Variants in ASMTL observed in about 807,000 individuals in gnomAD.
The protein encoded by ASMTL is acetylserotonin O-methyltransferase like.
A neutral mutation model predicts 60.3 loss-of-function variants in ASMTL; 57 were observed. That is an observed-to-expected ratio of 0.95 (90% CI 0.76 to 1.18). ASMTL has a LOEUF of 1.18. Among genes scored for constraint, ASMTL ranks in the 50% most tolerant of loss-of-function variants. The pLI, the probability that ASMTL is intolerant of heterozygous loss-of-function variation, is 0.00. For missense variants in ASMTL, 981 were observed against 852.6 expected (o/e 1.15, Z -1.88); for synonymous variants, 419 against 373.0 (o/e 1.12, Z -1.42).
At chrX:1,420,832 C>T (rs1415923664) in intron 9 of ASMTL, among the ~76,000 whole-genome samples, 1 of 152,214 alleles carries the variant, frequency 6.6e-6, no homozygotes, top group African/African-American at 2.4e-5. Flanking sequence ...CTTGTTCTGT[C>T]ACCCGGGCTG....
In ASMTL at chrX:1,418,115, G is replaced by A. The variant is rs755621188; in HGVS notation, c.1380C>T (p.Gly460=). The A allele has an allele frequency of 1.3e-6, 2 of 1,597,876 alleles. No homozygotes were observed. The highest frequency in any genetic ancestry group is 2.2e-5 in the South Asian group (2 of 89,312). The part of the protein sequence containing the change: ...SRFSSACDVG[G]CTGALARELA... ...GCTCTCGGGCCAGTGCACCCGTGCA[G>A]CCTGCGGGGAAGCAAATGCATGCTC... Residue 460 remains glycine (G), a splice_region_variant and synonymous_variant, in exon 11 of 13, where the codon GGC becomes GGT. Transcript: ENST00000381317.
At chrX:1,436,128 G>A (rs1405173762) in intron 3 of ASMTL, among the ~76,000 whole-genome samples, 1 of 152,124 alleles carries the variant, frequency 6.6e-6, no homozygotes, top group African/African-American at 2.4e-5. Flanking sequence ...GTCACTGACC[G>A]TGATGTCCTC....
At position 1,427,818 on chromosome X, in the gene ASMTL, C is replaced by T. The variant is rs1421471828; in HGVS notation, c.813G>A (p.Glu271=). Residue 271 remains glutamate (E), a synonymous_variant, in exon 7 of 13, where the codon GAG becomes GAA. Transcript: ENST00000381317. ...TCTCCCGAGTCCTGTGACACTCAGCCTCTGCCGTGGCCTGTCCCGCCTCTC... is the reference window on the plus strand; with the variant it reads ...TCTCCCGAGTCCTGTGACACTCAGCTTCTGCCGTGGCCTGTCCCGCCTCTC... ...EAGEAGQATA[E]AECHRTRETL... is the part of the protein sequence containing the mutation. 1.2e-6 allele frequency: 2 copies of T among 1,612,624 alleles called. No individual in the cohort carries two copies. The highest frequency in any genetic ancestry group is 1.7e-6 in the Non-Finnish European group (2 of 1,179,850).
intron 6 of ASMTL, 68 bp downstream of exon 6, chrX:1,432,201 A>G (rs2090810967): frequency 1.5e-6 from 2 of 1,303,722 alleles, no homozygotes. Context: ...TGGGTGGGAC[A>G]CCCCACGTGT....
At chrX:1,419,214 C>T (rs1458381627) in intron 9 of ASMTL, 100 bp from the exon 10 acceptor site, 124 of 1,400,698 alleles carry the variant, frequency 8.9e-5, no homozygotes, top group East Asian at 7.3e-5. Context: ...GGCTCCAGAG[C>T]GTGGGGGCTC....
chrX:1,437,956 ATT>A (rs767849584), intron 3 of ASMTL, among the ~76,000 whole-genome samples: 38 of 150,684 alleles, frequency 2.5e-4, no homozygotes, highest in Non-Finnish European at 4.3e-4. Flanking sequence ...GTTGGACAGA[ATT>A]AGGATGCGCA....
intron 11 of ASMTL, 103 bp from the exon 12 acceptor site, chrX:1,412,957 GAA>G: frequency 2.3e-6 from 3 of 1,317,860 alleles, no homozygotes; most frequent in South Asian, 2.4e-5. Context: ...CAGGGACAGA[GAA>G]GAGAGGGGTG....
At chrX:1,435,196 C>T (rs1386624676) in intron 4 of ASMTL, 113 bp from the exon 5 acceptor site, 4 of 1,100,556 alleles carry the variant, frequency 3.6e-6, no homozygotes, top group Non-Finnish European at 5.5e-6. Flanking sequence ...TGGATCCGTC[C>T]CCAGCATCTT....
chrX:1,449,581 C>G (rs1306395342), intron 1 of ASMTL, among the ~76,000 whole-genome samples: 5 of 151,866 alleles, frequency 3.3e-5, no homozygotes, highest in African/African-American at 1.2e-4. Flanking sequence ...CCATAGGCAA[C>G]CAGTAACTAC....
intron 9 of ASMTL, among the ~76,000 whole-genome samples, chrX:1,420,139 G>C (rs1278821891): frequency 6.7e-6 from 1 of 149,938 alleles, no homozygotes; most frequent in African/African-American, 2.5e-5. Context: ...GTGTCTGTCT[G>C]TCTCCATCTT....
intron 12 of ASMTL, among the ~76,000 whole-genome samples, chrX:1,404,412 GATGGATGCAGGC>G (rs2089722573): frequency 1.3e-5 from 2 of 151,622 alleles, no homozygotes; most frequent in Admixed American, 1.3e-4. Context: ...TGGATGGATG[GATGGATGCAGGC>G]ATGGATGAGA....
chrX:1,419,270 G>T, intron 9 of ASMTL, 156 bp from the exon 10 acceptor site: 1 of 337,008 alleles, frequency 3.0e-6, no homozygotes, highest in East Asian at 1.7e-4. Flanking sequence ...CAGCTGTGTG[G>T]GCTACTCTTG....
chrX:1,411,335 C>A (rs28538029), intron 12 of ASMTL, among the ~76,000 whole-genome samples: 2 of 151,988 alleles, frequency 1.3e-5, no homozygotes, highest in South Asian at 2.1e-4. Flanking sequence ...AGATAATTAA[C>A]CGTTGTCTGC....
chrX:1,419,249 G>A lies in ASMTL; in HGVS notation c.1246-135C>T. 8.1e-6 allele frequency: 8 copies of A among 985,236 alleles called. No homozygotes were observed. The South Asian group carries it at 9.4e-5, about 12-fold the overall frequency. 61.0% of individuals were successfully genotyped at this position (985,236 alleles called of 1,614,324 possible). ...CAGCCGCGCCTGGGCTGCAGAGCGGGCTTCATGCCACAGCTGTGTGGGCTA... is the reference window on the plus strand; with the variant it reads ...CAGCCGCGCCTGGGCTGCAGAGCGGACTTCATGCCACAGCTGTGTGGGCTA... On this transcript the variant is annotated intron_variant, in intron 9 of 12. Coordinates refer to ENST00000381317, the MANE Select transcript of ASMTL (RefSeq NM_004192.4).
rs1182608600 is a variant in ASMTL, at chrX:1,407,855, A to C, written c.1646-4366T>G. On this transcript the variant is annotated intron_variant, in intron 12 of 12. Coordinates refer to ENST00000381317, the MANE Select transcript of ASMTL (RefSeq NM_004192.4). ...ACAGAGATTGATGATGATAGATGAG[A>C]TACCTAAAAAGACACAGAGAGGAGG... 2.0e-5 allele frequency among the ~76,000 whole-genome samples: 3 copies of C among 151,968 alleles called. No individual in the cohort carries two copies. In the East Asian group the frequency reaches 5.8e-4, roughly 29 times the overall value.
intron 5 of ASMTL, among the ~76,000 whole-genome samples, chrX:1,433,293 C>G (rs758040686): frequency 6.6e-6 from 1 of 151,914 alleles, no homozygotes; most frequent in East Asian, 1.9e-4. Flanking sequence ...CTTTGGTTGT[C>G]ATGGGAACAG....
At chrX:1,424,011 C>T (rs2090544588) in intron 8 of ASMTL, among the ~76,000 whole-genome samples, 1 of 149,468 alleles carries the variant, frequency 6.7e-6, no homozygotes, top group Admixed American at 6.6e-5. Flanking sequence ...ATCACTCATC[C>T]ATCCATCTGT....
intron 6 of ASMTL, among the ~76,000 whole-genome samples, chrX:1,430,910 AAC>A (rs1297684519): frequency 9.1e-5 from 13 of 143,156 alleles, no homozygotes; most frequent in African/African-American, 2.3e-4. Context: ...ATATTTATAT[AAC>A]ACATAATACA....
chrX:1,434,951 A>G, intron 5 of ASMTL, 71 bp downstream of exon 5: 1 of 1,566,864 alleles, frequency 6.4e-7, no homozygotes, highest in East Asian at 2.2e-5. Flanking sequence ...CCCTCAAGCC[A>G]AGGGTCCCGA....
Sources: allele counts gnomAD v4.1 joint callset (sites outside exome capture counted in the v4.1 genomes callset), GRCh38; gene constraint gnomAD v4.1.1; transcripts MANE v1.5; gene names NCBI Gene and HGNC (gene_info 2026-07-23, HGNC 2026-07-21).